LIN54: variants seen among roughly 807,000 people sequenced by gnomAD.
LIN54 encodes the protein lin-54 DREAM MuvB core complex component, also known as protein lin-54 homolog.
LIN54 carries 9 observed loss-of-function variants against 78.7 expected under a neutral mutation model. The ratio of observed to expected loss-of-function variants is 0.11; its 90% CI spans 0.07 to 0.20. The LOEUF (loss-of-function observed/expected upper bound fraction) is 0.20, where lower values mean the gene tolerates loss of function less well. Among genes scored for constraint, LIN54 ranks in the 10% least tolerant of loss-of-function variants. The probability of loss-of-function intolerance (pLI) is 1.00; values close to 1 mark genes in which losing one functional copy is unlikely to be tolerated. For synonymous variants in LIN54, 269 were observed against 318.4 expected (o/e 0.84, Z 1.65); for missense variants, 573 against 889.9 (o/e 0.64, Z 4.53).
chr4:82,972,116 G>A (rs576601002), intron 3 of LIN54, among the ~76,000 whole-genome samples: 4 of 152,236 alleles, frequency 2.6e-5, no homozygotes, highest in Non-Finnish European at 5.9e-5. Flanking sequence ...ATGCAGTGGC[G>A]TGATCATAGC....
chr4:82,981,480 G>C (rs892025056), intron 2 of LIN54, among the ~76,000 whole-genome samples: 1 of 151,766 alleles, frequency 6.6e-6, no homozygotes, highest in Non-Finnish European at 1.5e-5. Flanking sequence ...AACTACCTAG[G>C]GGGAAAAAAA....
intron 1 of LIN54, among the ~76,000 whole-genome samples, chr4:83,004,400 A>C (rs1258199041): frequency 1.9e-5 from 1 of 52,024 alleles, no homozygotes; most frequent in South Asian, 4.9e-4. Flanking sequence ...CTCCGTTGCA[A>C]AAAAAAAAAA....
In LIN54 at chr4:82,956,570, GCA is replaced by G. The variant is rs1005688967; in HGVS notation, c.952-10098_952-10097del. On this transcript the variant is annotated intron_variant, in intron 4 of 12. Transcript: ENST00000340417. Reference sequence around the variant, plus strand: ...GTTAAGGCTGCAGTGAGCTGTGATCGCACCACTGCACTCCTGCCTGGGTGACA... The same window carrying G: ...GTTAAGGCTGCAGTGAGCTGTGATCGCCACTGCACTCCTGCCTGGGTGACA... Among the ~76,000 whole-genome samples, 25 of 152,090 alleles carry G rather than the reference GCA, an allele frequency of 1.6e-4. 1 individual carries two copies. The highest frequency in any genetic ancestry group is 5.3e-4 in the African/African-American group (22 of 41,500).
At chr4:82,948,520 C>T (rs935789096) in intron 4 of LIN54, among the ~76,000 whole-genome samples, 11 of 152,182 alleles carry the variant, frequency 7.2e-5, no homozygotes. Context: ...ATATATCCAT[C>T]ATCTTGCATA....
Position 82,925,237 on chromosome 4 carries a change from T to G in LIN54, c.*2865A>C, listed in dbSNP as rs1424980438. On this transcript the variant is annotated 3_prime_UTR_variant, in exon 13 of 13. Coordinates refer to ENST00000340417, the MANE Select transcript of LIN54 (RefSeq NM_194282.4). ...AGGTATTTTTGTTTTTGAGACAAGG[T>G]CTCACTCTGATTGCCAGGCTGGAGT... is the stretch of plus-strand genomic sequence containing the variant. 1 of 152,344 alleles carries G rather than the reference T, an allele frequency of 6.6e-6. No homozygotes were observed. The highest frequency in any genetic ancestry group is 1.5e-5 in the Non-Finnish European group (1 of 68,050). 9.4% of individuals were successfully genotyped at this position (152,344 alleles called of 1,614,324 possible).
At chr4:82,950,014 T>C (rs529410801) in intron 4 of LIN54, among the ~76,000 whole-genome samples, 7 of 151,890 alleles carry the variant, frequency 4.6e-5, no homozygotes, top group African/African-American at 1.7e-4. Flanking sequence ...ACTGGCTAAT[T>C]TTTATATTTT....
chr4:82,984,774 A>G lies in LIN54; in HGVS notation c.71T>C (p.Val24Ala), dbSNP rs1469317095. 7.4e-6 allele frequency: 12 copies of G among 1,614,066 alleles called. No individual in the cohort carries two copies. Among genetic ancestry groups the G allele is most frequent in the Non-Finnish European group, 1.0e-5 (12 of 1,179,958 alleles). The change falls in exon 2 of 13, where the codon GTG (valine) becomes GCG (alanine). Residue 24 changes from valine (V) to alanine (A), a missense_variant. This residue lies in a region of LIN54 where 183 missense variants were observed against 228.4 expected (regional missense o/e 0.80). Transcript: ENST00000340417. ...AACAGCCTCAATACTATCATCATCC[A>G]CTAAAGTTATACCAGTGTCCATTAT... ...EEIMDTGITLVDDDSIEAVIV... is the reference protein window; with the variant it reads ...EEIMDTGITLADDDSIEAVIV...
intron 2 of LIN54, among the ~76,000 whole-genome samples, chr4:82,983,513 T>C (rs1726868154): frequency 6.6e-6 from 1 of 152,176 alleles, no homozygotes; most frequent in Non-Finnish European, 1.5e-5. Context: ...ATTCTTAAGA[T>C]AAAGTCAAAA....
chr4:82,945,293 G>A (rs773067764), intron 5 of LIN54, among the ~76,000 whole-genome samples: 5 of 152,138 alleles, frequency 3.3e-5, no homozygotes, highest in Non-Finnish European at 7.4e-5. Context: ...AAGGAAACAC[G>A]TAAGCCCTAA....
chr4:82,935,088 T>C (rs1054774209), intron 11 of LIN54, among the ~76,000 whole-genome samples: 3 of 151,980 alleles, frequency 2.0e-5, no homozygotes, highest in African/African-American at 7.2e-5. Flanking sequence ...AGTAACCTCA[T>C]CCAGCAGAAT....
intron 3 of LIN54, among the ~76,000 whole-genome samples, chr4:82,972,968 A>AC: frequency 6.6e-6 from 1 of 151,914 alleles, no homozygotes; most frequent in East Asian, 1.9e-4. Flanking sequence ...AAAAAAAAAA[A>AC]AAATTCATAC....
chr4:82,992,281 A>T (rs1727784729), intron 1 of LIN54, among the ~76,000 whole-genome samples: 1 of 152,218 alleles, frequency 6.6e-6, no homozygotes, highest in African/African-American at 2.4e-5. Flanking sequence ...TATCTGCAGG[A>T]TCTGTAGAAA....
chr4:82,948,735 C>G (rs1377454030), intron 4 of LIN54, among the ~76,000 whole-genome samples: 1 of 61,970 alleles, frequency 1.6e-5, no homozygotes, highest in East Asian at 5.8e-4. Context: ...TCTTCTATCT[C>G]TGTATATTTG....
intron 1 of LIN54, among the ~76,000 whole-genome samples, chr4:82,986,261 A>C (rs1727126265): frequency 1.3e-5 from 2 of 151,956 alleles, no homozygotes; most frequent in Admixed American, 1.3e-4. Flanking sequence ...GATTACAGGC[A>C]TGTGCCACCA....
chr4:82,945,376 ATG>A (rs1260879594), intron 5 of LIN54, among the ~76,000 whole-genome samples: 1 of 152,218 alleles, frequency 6.6e-6, no homozygotes, highest in Non-Finnish European at 1.5e-5. Context: ...AAGGTCATTT[ATG>A]TGTCTATGGA....
intron 2 of LIN54, 115 bp downstream of exon 2, chr4:82,984,046 A>G: frequency 1.4e-6 from 1 of 716,602 alleles, no homozygotes; most frequent in Non-Finnish European, 2.3e-6. Flanking sequence ...ATAAAACAAC[A>G]TTCAAAAGAA....
chr4:83,012,401 G>T (rs1167290028), upstream of LIN54, among the ~76,000 whole-genome samples: 2 of 152,088 alleles, frequency 1.3e-5, no homozygotes, highest in African/African-American at 2.4e-5. Context: ...AAATGACACA[G>T]CAGCAAAACC....
intron 1 of LIN54, 54 bp downstream of exon 1, chr4:83,010,430 C>CAAAAAAA: frequency 5.2e-6 from 3 of 576,998 alleles, no homozygotes; most frequent in Non-Finnish European, 4.5e-6. Context: ...CCCATCCCCC[C>CAAAAAAA]AAATAAAGAG....
chr4:82,975,648 G>A (rs972328176), intron 3 of LIN54, among the ~76,000 whole-genome samples: 4 of 151,190 alleles, frequency 2.6e-5, no homozygotes, highest in African/African-American at 9.7e-5. Context: ...GGAGGCGGAT[G>A]TTGCAGTGAG....
Sources: allele counts gnomAD v4.1 joint callset (sites outside exome capture counted in the v4.1 genomes callset), GRCh38; gene constraint gnomAD v4.1.1; regional missense constraint gnomAD v4.1.1; transcripts MANE v1.5; gene names NCBI Gene and HGNC (gene_info 2026-07-23, HGNC 2026-07-21).